The following ZMIZ1 variants were observed in gnomAD, a reference collection of about 807,000 sequenced individuals.
ZMIZ1 encodes zinc finger MIZ domain-containing protein 1.
A neutral mutation model predicts 113.9 loss-of-function variants in ZMIZ1; 17 were observed. That is an observed-to-expected ratio of 0.15 (90% CI 0.10 to 0.22). ZMIZ1 has a LOEUF of 0.22. ZMIZ1 is among the 10% of genes least tolerant of loss of function. ZMIZ1 has a pLI of 1.00. For missense variants in ZMIZ1, 1,059 were observed against 1,477.8 expected (o/e 0.72, Z 4.65); for synonymous variants, 607 against 603.1 (o/e 1.01, Z -0.09).
intron 8 of ZMIZ1, among the ~76,000 whole-genome samples, chr10:79,284,202 C>T (rs1852915895): frequency 6.6e-6 from 1 of 152,156 alleles, no homozygotes; most frequent in East Asian, 1.9e-4. Flanking sequence ...CGATCATTGC[C>T]CGTGGAGCTG....
At position 79,313,574 on chromosome 10, in the gene ZMIZ1, G is replaced by C. The variant is rs1463316360; in HGVS notation, c.*825G>C. 1 of 204,622 alleles carries C rather than the reference G, an allele frequency of 4.9e-6. No homozygotes were observed. Among genetic ancestry groups the C allele is most frequent in the African/African-American group, 2.4e-5 (1 of 42,458 alleles). 12.7% of individuals were successfully genotyped at this position (204,622 alleles called of 1,614,324 possible). ...GAGAGCAGGTGTACACCCAACCAAA[G>C]TGATTGTGCCCTTGGTTGGGGGGCG... On this transcript the variant is annotated 3_prime_UTR_variant, in exon 25 of 25. Transcript: ENST00000334512.
At chr10:79,150,011 A>G (rs561179931) in intron 3 of ZMIZ1, among the ~76,000 whole-genome samples, 162 of 152,340 alleles carry the variant, frequency 1.1e-3, no homozygotes, top group Middle Eastern at 3.4e-3. Context: ...GCCCCCAGAA[A>G]GCATTGGTGC....
Position 79,115,134 on chromosome 10 carries a change from C to T in ZMIZ1, c.-336-3781C>T, listed in dbSNP as rs965962297. Among the ~76,000 whole-genome samples, 11 of 152,288 alleles carry T rather than the reference C, an allele frequency of 7.2e-5. No individual in the cohort carries two copies. The East Asian group carries it at 2.1e-3, about 29-fold the overall frequency. On this transcript the variant is annotated intron_variant, in intron 1 of 24. Transcript: ENST00000334512. ...GGTGCTTACAGCACCCACAGCACCACGTGGCAGCTCCCTTCTGCTTGCATG... is the reference window on the plus strand; with the variant it reads ...GGTGCTTACAGCACCCACAGCACCATGTGGCAGCTCCCTTCTGCTTGCATG...
chr10:79,199,739 G>C lies in ZMIZ1; in HGVS notation c.-49-1845G>C, dbSNP rs374703600. Among the ~76,000 whole-genome samples, 23 of 152,338 alleles carry C rather than the reference G, an allele frequency of 1.5e-4. No individual in the cohort carries two copies. The South Asian group carries it at 3.5e-3, about 23-fold the overall frequency. On this transcript the variant is annotated intron_variant, in intron 4 of 24. Coordinates refer to ENST00000334512, the MANE Select transcript of ZMIZ1 (RefSeq NM_020338.4). ...AGGGCACCAGGGGACTGGGGACGGGGTCTGGACCCAGGACTCGATATCTTT... is the reference window on the plus strand; with the variant it reads ...AGGGCACCAGGGGACTGGGGACGGGCTCTGGACCCAGGACTCGATATCTTT...
intron 4 of ZMIZ1, among the ~76,000 whole-genome samples, chr10:79,195,257 G>A (rs957557253): frequency 9.2e-5 from 14 of 152,246 alleles, no homozygotes; most frequent in South Asian, 6.2e-4. Flanking sequence ...TGCAGACAGC[G>A]AAATGGAGGT....
chr10:79,092,692 C>T (rs1843022462), intron 1 of ZMIZ1, among the ~76,000 whole-genome samples: 1 of 152,184 alleles, frequency 6.6e-6, no homozygotes, highest in Non-Finnish European at 1.5e-5. Flanking sequence ...CTCCTGGAGG[C>T]CCCTGATTAG....
At chr10:79,261,177 C>G (rs1038764409) in intron 7 of ZMIZ1, among the ~76,000 whole-genome samples, 1 of 152,222 alleles carries the variant, frequency 6.6e-6, no homozygotes, top group Non-Finnish European at 1.5e-5. Flanking sequence ...TGTGGCCCCG[C>G]CGGGTGGTCG....
At chr10:79,292,453 T>C (rs2132033601) in intron 11 of ZMIZ1, 97 bp downstream of exon 11, 1 of 1,495,420 alleles carries the variant, frequency 6.7e-7, no homozygotes, top group East Asian at 2.3e-5. Flanking sequence ...TATGGGGCCA[T>C]GTGTGCTGGG....
intron 4 of ZMIZ1, among the ~76,000 whole-genome samples, chr10:79,165,888 T>C (rs1846305662): frequency 8.8e-6 from 1 of 114,028 alleles, no homozygotes; most frequent in African/African-American, 3.3e-5. Context: ...CAGCCAAGCC[T>C]GACTTGGCAC....
rs371782557 is a variant in ZMIZ1, at chr10:79,304,057, C to A, written c.2168C>A (p.Thr723Lys). The A allele has an allele frequency of 2.5e-6, 4 of 1,614,202 alleles. No individual in the cohort carries two copies. Among genetic ancestry groups the A allele is most frequent in the Non-Finnish European group, 3.4e-6 (4 of 1,180,054 alleles). The change falls in exon 19 of 25, where the codon ACG becomes AAG. Residue 723 changes from threonine to lysine, a missense_variant. Coordinates refer to ENST00000334512, the MANE Select transcript of ZMIZ1 (RefSeq NM_020338.4). ...FSSVAASSGNTTLNGEDGVEQ... is the reference protein window; with the variant it reads ...FSSVAASSGNKTLNGEDGVEQ... The stretch of plus-strand genomic sequence containing the variant: ...AGCGTGGCTGCCTCCTCGGGCAACA[C>A]GACCCTCAACGGGGAGGATGGGGTG...
intron 7 of ZMIZ1, among the ~76,000 whole-genome samples, chr10:79,247,594 G>A (rs1850285979): frequency 6.6e-6 from 1 of 152,228 alleles, no homozygotes. Context: ...AAGCCGCAGA[G>A]ACCCTGCTGG....
chr10:79,069,734 G>A lies in ZMIZ1; in HGVS notation c.-337+464G>A, dbSNP rs1458632695. Among the ~76,000 whole-genome samples, 1 of 152,204 alleles carries A rather than the reference G, an allele frequency of 6.6e-6. No homozygotes were observed. Among genetic ancestry groups the A allele is most frequent in the South Asian group, 2.1e-4 (1 of 4,836 alleles). On this transcript the variant is annotated intron_variant, in intron 1 of 24. Transcript: ENST00000334512. This position sits in a 1 kb window ranked among gnomAD's most constrained non-coding sequence, Gnocchi z 4.6. The stretch of plus-strand genomic sequence containing the variant: ...GTGTACAGGAACCGCTGGGGAAAGC[G>A]CTGGATTTCAGGATGGCAAGGGGTG...
intron 1 of ZMIZ1, among the ~76,000 whole-genome samples, chr10:79,072,018 A>G (rs1842304209): frequency 6.6e-6 from 1 of 152,116 alleles, no homozygotes. Context: ...AGTGGATTCA[A>G]GAGGTGGATT....
At chr10:79,114,818 C>T (rs974749597) in intron 1 of ZMIZ1, among the ~76,000 whole-genome samples, 1 of 152,016 alleles carries the variant, frequency 6.6e-6, no homozygotes, top group Admixed American at 6.5e-5. Context: ...TTTATTTTAA[C>T]GACGCAGTAA....
In ZMIZ1 at chr10:79,133,239, T is replaced by C. The variant is rs537348155; in HGVS notation, c.-226-6443T>C. Among the ~76,000 whole-genome samples, 13 of 152,336 alleles carry C rather than the reference T, an allele frequency of 8.5e-5. No individual in the cohort carries two copies. The East Asian group carries it at 2.1e-3, about 25-fold the overall frequency. On this transcript the variant is annotated intron_variant, in intron 2 of 24. Coordinates refer to ENST00000334512, the MANE Select transcript of ZMIZ1 (RefSeq NM_020338.4). ...ACTTCCCACCTTCTCAGAAAACTCCTGTGCATCCTTCAAAACCCAATTTGT... is the reference window on the plus strand; with the variant it reads ...ACTTCCCACCTTCTCAGAAAACTCCCGTGCATCCTTCAAAACCCAATTTGT...
chr10:79,249,469 G>A (rs956812786), intron 7 of ZMIZ1, among the ~76,000 whole-genome samples: 5 of 152,182 alleles, frequency 3.3e-5, no homozygotes, highest in African/African-American at 9.7e-5. Flanking sequence ...TGAAAGGCTC[G>A]AGGTCTTGGC....
In ZMIZ1 at chr10:79,296,249, A is replaced by G; in HGVS notation, c.1231-222A>G. 1.7e-6 allele frequency: 1 copy of G among 590,824 alleles called. No individual in the cohort carries two copies. Among genetic ancestry groups the G allele is most frequent in the East Asian group, 3.0e-5 (1 of 33,432 alleles). 36.6% of individuals were successfully genotyped at this position (590,824 alleles called of 1,614,324 possible). ...GTTCAGGGGCACATGTGCTCCAGGA[A>G]GAACGGCCTCAAGGGGAGGTGGCCT... is the stretch of plus-strand genomic sequence containing the variant. On this transcript the variant is annotated intron_variant, in intron 12 of 24. Transcript: ENST00000334512. This position sits in a 1 kb window ranked among gnomAD's most constrained non-coding sequence, Gnocchi z 4.1.
intron 3 of ZMIZ1, among the ~76,000 whole-genome samples, chr10:79,144,500 G>A (rs1845405314): frequency 6.6e-6 from 1 of 152,030 alleles, no homozygotes. Context: ...AAGCTCACCT[G>A]GCCTGTTTGT....
Position 79,233,014 on chromosome 10 carries a change from G to T in ZMIZ1, c.280+16740G>T, listed in dbSNP as rs12250624. 2.0e-5 allele frequency among the ~76,000 whole-genome samples: 3 copies of T among 152,156 alleles called. No individual in the cohort carries two copies. In the East Asian group the frequency reaches 5.8e-4, roughly 29 times the overall value. On this transcript the variant is annotated intron_variant, in intron 7 of 24. Coordinates refer to ENST00000334512, the MANE Select transcript of ZMIZ1 (RefSeq NM_020338.4). ...CTCTTGGCTCCTGGCTTCCAGCCAC[G>T]CCCCCGACACCAAGGCCTCTGTCAG...
Sources: allele counts gnomAD v4.1 joint callset (sites outside exome capture counted in the v4.1 genomes callset), GRCh38; gene constraint gnomAD v4.1.1; non-coding constraint Gnocchi (gnomAD v3.1); transcripts MANE v1.5; gene names NCBI Gene and HGNC (gene_info 2026-07-23, HGNC 2026-07-21).